Variants in KMT2B observed in about 807,000 individuals in gnomAD.
KMT2B encodes the protein histone-lysine N-methyltransferase 2B.
Under a neutral mutation model 255.3 loss-of-function variants are expected in KMT2B, and 22 were observed. The ratio of observed to expected loss-of-function variants is 0.09; its 90% CI spans 0.06 to 0.12. KMT2B has a LOEUF of 0.12. Among genes scored for constraint, KMT2B ranks in the 10% least tolerant of loss-of-function variants. The pLI is 1.00. For missense variants in KMT2B, 3,149 were observed against 3,737.0 expected, an observed-to-expected ratio of 0.84 and a Z score of 4.10; for synonymous variants, 1,730 against 1,498.1, an observed-to-expected ratio of 1.15 and a Z score of -3.57.
rs1969503983 is a variant in KMT2B, at chr19:35,727,431, A to G, written c.4118-7A>G. On this transcript the variant is annotated splice_polypyrimidine_tract_variant and splice_region_variant and intron_variant, in intron 15 of 36. Coordinates refer to ENST00000420124, the MANE Select transcript of KMT2B (RefSeq NM_014727.3). This position sits in a 1 kb window ranked among gnomAD's most constrained non-coding sequence, Gnocchi z 4.2. ...CCACTTTTCCCTTTCCCACTTGGCTATCCTAGATGAAGACTACGAGATCCT... is the reference window on the plus strand; with the variant it reads ...CCACTTTTCCCTTTCCCACTTGGCTGTCCTAGATGAAGACTACGAGATCCT... The G allele has an allele frequency of 6.2e-7, 1 of 1,613,030 alleles. No homozygotes were observed. Among genetic ancestry groups the G allele is most frequent in the Admixed American group, 1.7e-5 (1 of 59,980 alleles).
rs771289674 is a variant in KMT2B at position 35,726,255 on chromosome 19, G to A, written c.3905G>A (p.Arg1302His). The A allele has an allele frequency of 2.5e-6, 4 of 1,613,470 alleles. No homozygotes were observed. The highest frequency in any genetic ancestry group is 1.3e-5 in the African/African-American group (1 of 74,900). The change falls in exon 14 of 37, where the codon CGC (arginine) becomes CAC (histidine). Residue 1302 changes from arginine to histidine, a missense_variant. Arg to His is a conservative substitution (Grantham distance 29). Transcript: ENST00000420124. ...CCCCAGATCTGTTCAGCCTGTGTGC[G>A]CTGTAAGAGCTGTGGGGCAACTCCA... ...RRHWICSACV[R>H]CKSCGATPGK...
Position 35,732,976 on chromosome 19 carries a change from G to T in KMT2B, c.6427G>T (p.Ala2143Ser). The T allele has an allele frequency of 2.5e-6, 4 of 1,602,222 alleles. No individual in the cohort carries two copies. Among genetic ancestry groups the T allele is most frequent in the Non-Finnish European group, 3.4e-6 (4 of 1,175,236 alleles). The change falls in exon 28 of 37, where the codon GCT becomes TCT. Residue 2143 changes from alanine (A) to serine (S), a missense_variant. Coordinates refer to ENST00000420124, the MANE Select transcript of KMT2B (RefSeq NM_014727.3). ...GTCACTCCCCCCGGCGCCTCCCCTG[G>T]CTAATGGCAGCCAGCCCTCCCAAGG... ...EESLPPAPPL[A>S]NGSQPSQGLT... is the part of the protein sequence containing the mutation.
chr19:35,725,907 A>G lies in KMT2B; in HGVS notation c.3885+89A>G, dbSNP rs1453286199. On this transcript the variant is annotated intron_variant, in intron 13 of 36. Transcript: ENST00000420124. This position sits in a 1 kb window ranked among gnomAD's most constrained non-coding sequence, Gnocchi z 4.1. ...GCTCTAGGCTGGGGCTCTCAGGAGG[A>G]GCAGAGGTTGGGGATCCTCTTAAGA... 1.0e-5 allele frequency: 11 copies of G among 1,093,750 alleles called. No individual in the cohort carries two copies. In the Admixed American group the frequency reaches 2.3e-4, roughly 22 times the overall value. 67.8% of individuals were successfully genotyped at this position (1,093,750 alleles called of 1,614,324 possible).
intron 3 of KMT2B, 42 bp downstream of exon 3, chr19:35,721,846 A>G: frequency 6.6e-7 from 1 of 1,509,384 alleles, no homozygotes; most frequent in South Asian, 1.3e-5. Flanking sequence ...CCAGCCATCC[A>G]GCCTCCATTC....
chr19:35,736,613 C>CT lies in KMT2B; in HGVS notation c.7160-76dup, dbSNP rs905882809. 6.3e-5 allele frequency: 98 copies of CT among 1,555,234 alleles called. No individual in the cohort carries two copies. The African/African-American group carries it at 1.2e-3, about 20-fold the overall frequency. ...CTAGGGGTGGAGAGAGTGGTGTCTG[C>CT]TGGGAGCACAGCGGGGCTCAGGGGC... On this transcript the variant is annotated intron_variant, in intron 30 of 36. Transcript: ENST00000420124.
chr19:35,724,744 C>T lies in KMT2B; in HGVS notation c.3429+13C>T, dbSNP rs1361370147. ...GCGCCTGGACAAGGTCAGCACGGCC[C>T]GCTCCGAGAGCCCCTTCCCTCCAGG... On this transcript the variant is annotated intron_variant, in intron 9 of 36. Transcript: ENST00000420124. 8.9e-6 allele frequency: 14 copies of T among 1,566,804 alleles called. No homozygotes were observed. The highest frequency in any genetic ancestry group is 1.4e-5 in the African/African-American group (1 of 73,802).
rs1398096625 is a variant in KMT2B at position 35,720,587 on chromosome 19, C to T, written c.1240C>T (p.Pro414Ser). Residue 414 changes from proline to serine, a missense_variant, in exon 3 of 37, where the codon CCT becomes TCT. Pro to Ser is a moderately conservative substitution (Grantham distance 74, BLOSUM62 -1). Around this residue, in one of 18 missense-constraint regions of KMT2B, gnomAD observed 1,188 missense variants for 1,106.4 expected, o/e 1.07. Transcript: ENST00000420124. ...TCTGACTCCTCCAGCCCCTTCACCTCCTCCACCCCTCCCACCCCCTTCGAC... is the reference window on the plus strand; with the variant it reads ...TCTGACTCCTCCAGCCCCTTCACCTTCTCCACCCCTCCCACCCCCTTCGAC... ...PPLTPPAPSP[P>S]PPLPPPSTSP... 6 of 1,517,586 alleles carry T rather than the reference C, an allele frequency of 4.0e-6. No homozygotes were observed. Among genetic ancestry groups the T allele is most frequent in the Non-Finnish European group, 4.4e-6 (5 of 1,130,428 alleles). 94.0% of individuals were successfully genotyped at this position (1,517,586 alleles called of 1,614,324 possible).
rs1969182825 is a variant in KMT2B, at chr19:35,721,156, C to T, written c.1809C>T (p.Ile603=). ...CACTCCCTGAGAAGAGACGGTCCAT[C>T]CTAAGGGAACCCACATTTCGCTGGA... ...PVPLPEKRRS[I]LREPTFRWTS... is the part of the protein sequence containing the mutation. The change falls in exon 3 of 37, where the codon ATC becomes ATT. Residue 603 remains isoleucine, a synonymous_variant. Coordinates refer to ENST00000420124, the MANE Select transcript of KMT2B (RefSeq NM_014727.3). 3 of 1,587,032 alleles carry T rather than the reference C, an allele frequency of 1.9e-6. No homozygotes were observed. The highest frequency in any genetic ancestry group is 2.6e-6 in the Non-Finnish European group (3 of 1,167,914).
chr19:35,721,760 A>C lies in KMT2B; in HGVS notation c.2413A>C (p.Lys805Gln). ...CAAGAGAGCCAAAGTGCAGCTATTC[A>C]AGATCGATCAGCAGCAGCAGCAGAA... Reference protein sequence around the residue: ...LLKRAKVQLFKIDQQQQQKVA... With the variant: ...LLKRAKVQLFQIDQQQQQKVA... The change falls in exon 3 of 37, where the codon AAG becomes CAG. Residue 805 changes from lysine (K) to glutamine (Q), a missense_variant. Lys to Gln is a moderately conservative substitution (Grantham distance 53). This residue lies in a region of KMT2B where 1,188 missense variants were observed against 1,106.4 expected (regional missense o/e 1.07). Coordinates refer to ENST00000420124, the MANE Select transcript of KMT2B (RefSeq NM_014727.3). 1.2e-6 allele frequency: 2 copies of C among 1,604,634 alleles called. No homozygotes were observed. The highest frequency in any genetic ancestry group is 1.7e-6 in the Non-Finnish European group (2 of 1,174,280).
rs377636814 is a variant in KMT2B at position 35,722,444 on chromosome 19, C to T, written c.2543C>T (p.Ser848Leu). The T allele has an allele frequency of 7.5e-6, 12 of 1,609,476 alleles. No individual in the cohort carries two copies. The highest frequency in any genetic ancestry group is 4.4e-5 in the South Asian group (4 of 91,040). ...GGCCCTGTCCGGTCTGAAGATGAGT[C>T]GGTGGAAGCTAAGAGAGAGCGGCCC... ...DRGPVRSEDESVEAKRERPSG... is the reference protein window; with the variant it reads ...DRGPVRSEDELVEAKRERPSG... The change falls in exon 4 of 37, where the codon TCG (serine) becomes TTG (leucine). Residue 848 changes from serine (S) to leucine (L), a missense_variant. Ser to Leu is a moderately radical substitution (Grantham distance 145, BLOSUM62 -2). Transcript: ENST00000420124.
In KMT2B at chr19:35,725,461, C is replaced by A; in HGVS notation, c.3643-18C>A. Reference sequence around the variant, plus strand: ...CCTCATGCTATGCCCATCATTCACTCCTTTACCCTGTCCCCAGCTGGTGTT... The same window carrying A: ...CCTCATGCTATGCCCATCATTCACTACTTTACCCTGTCCCCAGCTGGTGTT... On this transcript the variant is annotated intron_variant, in intron 11 of 36. Transcript: ENST00000420124. The surrounding 1 kb of genome is among the most constrained non-coding windows in gnomAD (Gnocchi z 4.1). 1.2e-6 allele frequency: 2 copies of A among 1,609,434 alleles called. No individual in the cohort carries two copies. The highest frequency in any genetic ancestry group is 1.7e-6 in the Non-Finnish European group (2 of 1,179,798).
intron 2 of KMT2B, 47 bp from the exon 3 acceptor site, chr19:35,719,737 G>T (rs1450997290): frequency 7.1e-6 from 11 of 1,543,774 alleles, no homozygotes. Flanking sequence ...CTTCCTCTGT[G>T]TGTAGGGCTG....
rs746532196 is a variant in KMT2B at position 35,733,039 on chromosome 19, G to A, written c.6490G>A (p.Ala2164Thr). The A allele has an allele frequency of 6.3e-7, 1 of 1,588,870 alleles. No individual in the cohort carries two copies. Among genetic ancestry groups the A allele is most frequent in the Admixed American group, 1.7e-5 (1 of 57,156 alleles). Reference sequence around the variant, plus strand: ...CCCAGCTGACCCCACCCGCACATTTGCCTGGCTCCCAGGGGCCCCAGGGGT... The same window carrying A: ...CCCAGCTGACCCCACCCGCACATTTACCTGGCTCCCAGGGGCCCCAGGGGT... ...ASPADPTRTF[A>T]WLPGAPGVRV... Residue 2164 changes from alanine (A) to threonine (T), a missense_variant, in exon 28 of 37, where the codon GCC (alanine) becomes ACC (threonine). By Grantham distance (58) the Ala-to-Thr change is moderately conservative. Around this residue, in one of 18 missense-constraint regions of KMT2B, gnomAD observed 897 missense variants for 825.3 expected, o/e 1.09. Coordinates refer to ENST00000420124, the MANE Select transcript of KMT2B (RefSeq NM_014727.3). The surrounding 1 kb of genome is among the most constrained non-coding windows in gnomAD (Gnocchi z 4.3).
intron 30 of KMT2B, 22 bp from the exon 31 acceptor site, chr19:35,736,668 C>T: frequency 6.2e-7 from 1 of 1,611,836 alleles, no homozygotes; most frequent in Non-Finnish European, 8.5e-7. Flanking sequence ...GATCTTCACT[C>T]CAACCTGCTT....
intron 19 of KMT2B, 145 bp downstream of exon 19, chr19:35,728,316 T>G: frequency 3.0e-6 from 2 of 676,912 alleles, no homozygotes; most frequent in Non-Finnish European, 5.1e-6. Flanking sequence ...CCAGGTGAGA[T>G]TCCCTGGTGG....
rs1969377036 is a variant in KMT2B at position 35,724,977 on chromosome 19, T to A, written c.3430-12T>A. 1 of 1,592,018 alleles carries A rather than the reference T, an allele frequency of 6.3e-7. No individual in the cohort carries two copies. The highest frequency in any genetic ancestry group is 8.6e-7 in the Non-Finnish European group (1 of 1,159,986). On this transcript the variant is annotated splice_polypyrimidine_tract_variant and intron_variant, in intron 9 of 36. Coordinates refer to ENST00000420124, the MANE Select transcript of KMT2B (RefSeq NM_014727.3). ...GCTGGCAGCTCTGAATTCCCCCACC[T>A]TTCCTCCCCAGGATGCTTTGGCCCC...
chr19:35,736,951 G>A lies in KMT2B; in HGVS notation c.7337G>A (p.Arg2446Gln), dbSNP rs751187730. 6.2e-7 allele frequency: 1 copy of A among 1,613,888 alleles called. No homozygotes were observed. The highest frequency in any genetic ancestry group is 8.5e-7 in the Non-Finnish European group (1 of 1,179,858). ...CTGATCGAGAAAGTGCAAGAGGCCC[G>A]AGGGCATGCCCGACTCAGACATCTC... The part of the protein sequence containing the change: ...RTLIEKVQEA[R>Q]GHARLRHLSF... Residue 2446 changes from arginine (R) to glutamine (Q), a missense_variant, in exon 32 of 37, where the codon CGA becomes CAA. Around this residue, in one of 18 missense-constraint regions of KMT2B, gnomAD observed 103 missense variants for 200.7 expected, o/e 0.51. Transcript: ENST00000420124.
Position 35,721,453 on chromosome 19 carries a change from C to T in KMT2B, c.2106C>T (p.Leu702=). ...EPRAVGRTNH[L]SLPRFAPVVT... ...GGGCAGTGGGCCGCACCAACCACCTCAGCCTGCCTCGATTCGCCCCTGTGG... is the reference window on the plus strand; with the variant it reads ...GGGCAGTGGGCCGCACCAACCACCTTAGCCTGCCTCGATTCGCCCCTGTGG... Residue 702 remains leucine (L), a synonymous_variant, in exon 3 of 37, where the codon CTC becomes CTT. Coordinates refer to ENST00000420124, the MANE Select transcript of KMT2B (RefSeq NM_014727.3). The T allele has an allele frequency of 1.2e-6, 2 of 1,612,714 alleles. No individual in the cohort carries two copies. The highest frequency in any genetic ancestry group is 1.7e-6 in the Non-Finnish European group (2 of 1,179,826).
At chr19:35,728,225 G>T in intron 19 of KMT2B, 54 bp downstream of exon 19, 1 of 1,455,630 alleles carries the variant, frequency 6.9e-7, no homozygotes, top group Non-Finnish European at 9.4e-7. Flanking sequence ...CAAGGCCAGG[G>T]CATGCAGGGG....
Sources: gnomAD v4.1 joint callset for allele counts on GRCh38, gnomAD v4.1.1 for gene constraint, gnomAD v4.1.1 regional missense constraint, Gnocchi (gnomAD v3.1) non-coding constraint, MANE v1.5 for transcripts, NCBI Gene and HGNC (gene_info 2026-07-23, HGNC 2026-07-21) for gene names.